POC1B: variants seen among roughly 807,000 people sequenced by gnomAD.
The protein encoded by POC1B is POC1 centriolar protein B.
Under a neutral mutation model 60.6 loss-of-function variants are expected in POC1B, and 44 were observed. That is an observed-to-expected ratio of 0.73 (90% CI 0.57 to 0.93). POC1B has a LOEUF of 0.93. POC1B is among the 40% of genes least tolerant of loss of function. The pLI is 0.00. For synonymous variants in POC1B, 180 were observed against 198.9 expected (o/e 0.90, Z 0.80); for missense variants, 555 against 572.3 (o/e 0.97, Z 0.31).
chr12:89,481,310 G>A (rs983543147), intron 4 of POC1B, among the ~76,000 whole-genome samples: 3 of 152,228 alleles, frequency 2.0e-5, no homozygotes, highest in Non-Finnish European at 2.9e-5. Context: ...AAGGTTATCA[G>A]ACTTACTTCC....
chr12:89,488,911 T>C (rs1592622109), intron 4 of POC1B, among the ~76,000 whole-genome samples: 1 of 152,276 alleles, frequency 6.6e-6, no homozygotes, highest in East Asian at 1.9e-4. Context: ...TTGCCAACCA[T>C]ACCCAGAGCT....
intron 9 of POC1B, among the ~76,000 whole-genome samples, chr12:89,464,672 G>C (rs1184744600): frequency 3.3e-5 from 5 of 151,384 alleles, no homozygotes; most frequent in South Asian, 2.1e-4. Flanking sequence ...ATTTTTAGTA[G>C]AGACGGGATT....
intron 4 of POC1B, 127 bp from the exon 5 acceptor site, chr12:89,472,402 A>G (rs1882934973): frequency 4.7e-6 from 3 of 632,514 alleles, no homozygotes; most frequent in South Asian, 4.1e-5. Flanking sequence ...CATCCCATGC[A>G]GTAAAGTCAT....
chr12:89,499,907 C>T (rs1869460641), intron 2 of POC1B, among the ~76,000 whole-genome samples: 2 of 152,234 alleles, frequency 1.3e-5, no homozygotes, highest in South Asian at 4.1e-4. Flanking sequence ...AGCCAATGGC[C>T]GGGAAGTGTT....
the POC1B span, among the ~76,000 whole-genome samples, chr12:89,407,905 T>C: frequency 2.6e-5 from 4 of 152,180 alleles, no homozygotes; most frequent in Non-Finnish European, 5.9e-5. Context: ...TTGCTGTACC[T>C]ATCAACCCAT....
In POC1B at chr12:89,523,489, A is replaced by T. The variant is rs777359284; in HGVS notation, c.100+1631T>A. 2.5e-6 allele frequency: 4 copies of T among 1,612,424 alleles called. No homozygotes were observed. In the South Asian group the frequency reaches 3.3e-5, roughly 13 times the overall value. The stretch of plus-strand genomic sequence containing the variant: ...ATGGCCCACGTGGGAACACGGGTGG[A>T]TCTCCAATTTGCCACCACACTGCCA... On this transcript the variant is annotated intron_variant, in intron 2 of 11. Transcript: ENST00000313546.
At chr12:89,440,619 A>G (rs1184179214) in intron 10 of POC1B, among the ~76,000 whole-genome samples, 4 of 152,226 alleles carry the variant, frequency 2.6e-5, no homozygotes, top group Non-Finnish European at 5.9e-5. Context: ...GAGAAACCCC[A>G]TCTCTACTAA....
chr12:89,444,862 G>A (rs941376891), intron 10 of POC1B, among the ~76,000 whole-genome samples: 12 of 152,230 alleles, frequency 7.9e-5, no homozygotes, highest in African/African-American at 2.6e-4. Context: ...AAACCCCATC[G>A]TCTCAGCCCA....
chr12:89,417,482 G>T (rs1201869589), downstream of POC1B, among the ~76,000 whole-genome samples: 2 of 152,172 alleles, frequency 1.3e-5, no homozygotes, highest in Non-Finnish European at 2.9e-5. Context: ...TGTCTGATTC[G>T]TGAGTCACTG....
At chr12:89,494,045 T>G (rs1869118518) in intron 3 of POC1B, among the ~76,000 whole-genome samples, 3 of 152,024 alleles carry the variant, frequency 2.0e-5, no homozygotes, top group South Asian at 4.1e-4. Context: ...CTTTTCTTAT[T>G]TATTTATTTT....
chr12:89,524,915 T>A (rs887364033), intron 2 of POC1B: 7 of 804,500 alleles, frequency 8.7e-6, no homozygotes, highest in Non-Finnish European at 1.3e-5. Flanking sequence ...GATAGGAGGC[T>A]CTTGGCCGGG....
In POC1B at chr12:89,475,910, CTTTT is replaced by C. The variant is rs972058107; in HGVS notation, c.453-3639_453-3636del. Among the ~76,000 whole-genome samples, 7 of 86,142 alleles carry C rather than the reference CTTTT, an allele frequency of 8.1e-5. No homozygotes were observed. In the Admixed American group the frequency reaches 8.9e-4, roughly 11 times the overall value. 56.5% of individuals were successfully genotyped at this position (86,142 alleles called of 152,430 possible). On this transcript the variant is annotated intron_variant, in intron 4 of 11. Coordinates refer to ENST00000313546, the MANE Select transcript of POC1B (RefSeq NM_172240.3). ...ATTCACTCAAAAGAATGAGGGAATT[CTTTT>C]TTTTTTTTTTTTTTTTTTTTGAGAC...
At chr12:89,442,132 G>C (rs148942898) in intron 10 of POC1B, among the ~76,000 whole-genome samples, 266 of 152,322 alleles carry the variant, frequency 1.7e-3, no homozygotes, top group African/African-American at 5.9e-3. Context: ...CGTCTGACTG[G>C]TGTACCGGAA....
intron 2 of POC1B, among the ~76,000 whole-genome samples, chr12:89,513,382 T>A (rs1196213725): frequency 6.6e-6 from 1 of 152,086 alleles, no homozygotes; most frequent in Admixed American, 6.6e-5. Flanking sequence ...TTCTTTACCA[T>A]CATTTGTTGT....
At chr12:89,434,739 G>A (rs867676567) in intron 10 of POC1B, among the ~76,000 whole-genome samples, 2 of 152,178 alleles carry the variant, frequency 1.3e-5, no homozygotes, top group Non-Finnish European at 2.9e-5. Context: ...GGCATTCAGA[G>A]TAAGGGATCC....
intron 4 of POC1B, among the ~76,000 whole-genome samples, chr12:89,490,846 C>T (rs1275144019): frequency 6.6e-6 from 1 of 152,176 alleles, no homozygotes; most frequent in Non-Finnish European, 1.5e-5. Context: ...CTCGTACTGC[C>T]AGTTGTAACT....
At chr12:89,410,982 A>G in the POC1B span, among the ~76,000 whole-genome samples, 2 of 152,228 alleles carry the variant, frequency 1.3e-5, no homozygotes, top group Non-Finnish European at 2.9e-5. Flanking sequence ...AATAATAGAC[A>G]CACAGAGAGC....
In POC1B at chr12:89,514,916, C is replaced by T. The variant is rs74756010; in HGVS notation, c.100+10204G>A. Among the ~76,000 whole-genome samples, 1,138 of 152,204 alleles carry T rather than the reference C, an allele frequency of 7.5e-3. 12 individuals are homozygous for T. The highest frequency in any genetic ancestry group is 0.025 in the African/African-American group (1,019 of 41,526). On this transcript the variant is annotated intron_variant, in intron 2 of 11. Transcript: ENST00000313546. ...TCCCCTTAAGCTGACCTGGTACCCACGCCTTCTCTCCTCAAAATTTACCAC... is the reference window on the plus strand; with the variant it reads ...TCCCCTTAAGCTGACCTGGTACCCATGCCTTCTCTCCTCAAAATTTACCAC...
rs1883224970 is a variant in POC1B at position 89,479,113 on chromosome 12, A to C, written c.453-6838T>G. Among the ~76,000 whole-genome samples the C allele has an allele frequency of 3.3e-5, 5 of 152,204 alleles. No homozygotes were observed. In the South Asian group the frequency reaches 1.0e-3, roughly 31 times the overall value. On this transcript the variant is annotated intron_variant, in intron 4 of 11. Coordinates refer to ENST00000313546, the MANE Select transcript of POC1B (RefSeq NM_172240.3). ...AAATTTTAAAAGTCCAGATCTTGTC[A>C]CTCAAACACAATTACACTTAATATC...
Sources: gnomAD v4.1 joint callset for allele counts (sites outside exome capture counted in the v4.1 genomes callset) on GRCh38, gnomAD v4.1.1 for gene constraint, MANE v1.5 for transcripts, NCBI Gene and HGNC (gene_info 2026-07-23, HGNC 2026-07-21) for gene names.